Variants in SIPA1L1 observed in about 807,000 individuals in gnomAD.
SIPA1L1 encodes signal induced proliferation associated 1 like 1, also known as signal-induced proliferation-associated 1-like protein 1.
SIPA1L1 carries 26 observed loss-of-function variants against 162.7 expected under a neutral mutation model. The ratio of observed to expected loss-of-function variants is 0.16; its 90% CI spans 0.12 to 0.22. The LOEUF is 0.22. Among genes scored for constraint, SIPA1L1 ranks in the 10% least tolerant of loss-of-function variants. SIPA1L1 has a pLI of 1.00. For missense variants in SIPA1L1, 1,874 were observed against 2,241.0 expected, an observed-to-expected ratio of 0.84 and a Z score of 3.31; for synonymous variants, 829 against 837.4, an observed-to-expected ratio of 0.99 and a Z score of 0.17.
At chr14:71,331,580 A>G (rs989005665) in intron 2 of SIPA1L1, among the ~76,000 whole-genome samples, 2 of 152,322 alleles carry the variant, frequency 1.3e-5, no homozygotes, top group Admixed American at 6.5e-5. Context: ...AAAGGCAATG[A>G]ATCTTGAATT....
chr14:71,614,705 T>C (rs1382350559), intron 5 of SIPA1L1, among the ~76,000 whole-genome samples: 4 of 152,226 alleles, frequency 2.6e-5, no homozygotes, highest in Non-Finnish European at 4.4e-5. Flanking sequence ...ATTTAGTTTA[T>C]AATTATCCCA....
chr14:71,384,294 T>C (rs1420872420), intron 2 of SIPA1L1, among the ~76,000 whole-genome samples: 1 of 152,230 alleles, frequency 6.6e-6, no homozygotes, highest in Non-Finnish European at 1.5e-5. Context: ...ATAAGGTGAT[T>C]TATGTTCAAT....
chr14:71,476,692 T>TA (rs56670769), intron 2 of SIPA1L1, among the ~76,000 whole-genome samples: 2 of 148,948 alleles, frequency 1.3e-5, no homozygotes, highest in Non-Finnish European at 3.0e-5. Flanking sequence ...TTTATTTATT[T>TA]TTTGAGATGG....
chr14:71,698,441 A>T (rs368633187), intron 13 of SIPA1L1, among the ~76,000 whole-genome samples: 1 of 152,186 alleles, frequency 6.6e-6, no homozygotes, highest in African/African-American at 2.4e-5. Flanking sequence ...ACATTTTTTC[A>T]TGGAGGTTTT....
At position 71,588,283 on chromosome 14, in the gene SIPA1L1, C is replaced by G; in HGVS notation, c.411C>G (p.Asn137Lys). The G allele has an allele frequency of 6.2e-7, 1 of 1,614,056 alleles. No homozygotes were observed. The highest frequency in any genetic ancestry group is 8.5e-7 in the Non-Finnish European group (1 of 1,180,006). The stretch of plus-strand genomic sequence containing the variant: ...CAGCCATGCTGAAAAGCATACAGAA[C>G]ACGCTGAAAAACAAGACAAGACCGT... ...NDSAMLKSIQ[N>K]TLKNKTRPSE... is the part of the protein sequence containing the mutation. Residue 137 changes from asparagine (N) to lysine (K), a missense_variant, in exon 5 of 24, where the codon AAC (asparagine) becomes AAG (lysine). Around this residue, in one of 5 missense-constraint regions of SIPA1L1, gnomAD observed 685 missense variants for 828.0 expected, o/e 0.83. Transcript: ENST00000381232. The surrounding 1 kb of genome is among the most constrained non-coding windows in gnomAD (Gnocchi z 4.3).
chr14:71,628,359 C>T (rs1449784835), intron 7 of SIPA1L1, among the ~76,000 whole-genome samples: 4 of 152,192 alleles, frequency 2.6e-5, no homozygotes, highest in Admixed American at 2.6e-4. Context: ...GCACTTAGTA[C>T]AGTGCTGAGC....
chr14:71,689,065 T>C (rs550143455), intron 13 of SIPA1L1, among the ~76,000 whole-genome samples: 2 of 152,246 alleles, frequency 1.3e-5, no homozygotes, highest in South Asian at 2.1e-4. Flanking sequence ...AGTTTTTCTT[T>C]AATTTGTATG....
intron 2 of SIPA1L1, among the ~76,000 whole-genome samples, chr14:71,324,791 C>T (rs2033591135): frequency 6.6e-6 from 1 of 152,112 alleles, no homozygotes; most frequent in African/African-American, 2.4e-5. Flanking sequence ...GTGTACCATC[C>T]TTGTTTCTGG....
chr14:71,593,320 T>C (rs1463336920), intron 5 of SIPA1L1, among the ~76,000 whole-genome samples: 1 of 152,158 alleles, frequency 6.6e-6, no homozygotes, highest in Non-Finnish European at 1.5e-5. Flanking sequence ...CAAGCGATTC[T>C]CGTGCCTCAG....
intron 5 of SIPA1L1, among the ~76,000 whole-genome samples, chr14:71,616,527 T>C (rs1456623052): frequency 9.8e-6 from 1 of 101,974 alleles, no homozygotes; most frequent in Non-Finnish European, 1.8e-5. Context: ...AAGTTGAAGA[T>C]AAAAAAAGAG....
At chr14:71,724,471 A>C (rs928453066) in intron 18 of SIPA1L1, among the ~76,000 whole-genome samples, 199 bp from the exon 19 acceptor site, 6 of 152,196 alleles carry the variant, frequency 3.9e-5, no homozygotes, top group Non-Finnish European at 8.8e-5. Flanking sequence ...ATCAGATTTT[A>C]TTTTGTGTTT....
At chr14:71,476,987 G>A (rs999864552) in intron 2 of SIPA1L1, among the ~76,000 whole-genome samples, 4 of 152,232 alleles carry the variant, frequency 2.6e-5, no homozygotes, top group African/African-American at 9.6e-5. Flanking sequence ...AGGCATAGTG[G>A]CTCACGCCTA....
chr14:71,523,232 TG>T (rs1450337505), intron 3 of SIPA1L1, among the ~76,000 whole-genome samples: 7 of 152,250 alleles, frequency 4.6e-5, no homozygotes, highest in Non-Finnish European at 7.4e-5. Context: ...TATGCATATA[TG>T]TTTTTTTTTA....
intron 4 of SIPA1L1, among the ~76,000 whole-genome samples, chr14:71,529,993 G>C (rs919845547): frequency 6.6e-6 from 1 of 152,196 alleles, no homozygotes; most frequent in Non-Finnish European, 1.5e-5. Context: ...CACACAGGGT[G>C]GAGGACGGAG....
intron 7 of SIPA1L1, among the ~76,000 whole-genome samples, chr14:71,633,676 T>G (rs1223584335): frequency 6.6e-6 from 1 of 152,110 alleles, no homozygotes; most frequent in East Asian, 1.9e-4. Context: ...GTAAGGTACT[T>G]CAATGGGCTA....
In SIPA1L1 at chr14:71,702,436, G is replaced by C; in HGVS notation, c.3577G>C (p.Asp1193His). 6.2e-7 allele frequency: 1 copy of C among 1,614,212 alleles called. No individual in the cohort carries two copies. The highest frequency in any genetic ancestry group is 8.5e-7 in the Non-Finnish European group (1 of 1,180,008). ...ASIDRQNTQS[D>H]IGGSGKSTPS... ...CATTGACAGGCAGAACACCCAGTCAGATATTGGTGGCAGCGGAAAATCCAC... is the reference window on the plus strand; with the variant it reads ...CATTGACAGGCAGAACACCCAGTCACATATTGGTGGCAGCGGAAAATCCAC... The change falls in exon 15 of 24, where the codon GAT (aspartate) becomes CAT (histidine). Residue 1193 changes from aspartate (D) to histidine (H), a missense_variant. By Grantham distance (81) the Asp-to-His change is moderately conservative (BLOSUM62 -1). Around this residue, in one of 5 missense-constraint regions of SIPA1L1, gnomAD observed 936 missense variants for 1,051.9 expected, o/e 0.89. Coordinates refer to ENST00000381232, the MANE Select transcript of SIPA1L1 (RefSeq NM_001386936.1).
At chr14:71,585,447 T>G (rs1268395839) in intron 4 of SIPA1L1, among the ~76,000 whole-genome samples, 4 of 152,202 alleles carry the variant, frequency 2.6e-5, no homozygotes, top group African/African-American at 9.6e-5. Context: ...TTAAAAATAT[T>G]GGAAGTATAT....
At chr14:71,642,639 C>T (rs1222493100) in intron 7 of SIPA1L1, among the ~76,000 whole-genome samples, 4 of 152,076 alleles carry the variant, frequency 2.6e-5, no homozygotes, top group African/African-American at 9.7e-5. Context: ...ATATCCAGCA[C>T]CCAACAAGGT....
intron 19 of SIPA1L1, among the ~76,000 whole-genome samples, chr14:71,727,021 G>A (rs1448658728): frequency 2.0e-5 from 3 of 152,220 alleles, no homozygotes; most frequent in South Asian, 2.1e-4. Context: ...CTACCTATGA[G>A]TTTTTGTTAA....
Sources: gnomAD v4.1 joint callset for allele counts (sites outside exome capture counted in the v4.1 genomes callset) on GRCh38, gnomAD v4.1.1 for gene constraint, gnomAD v4.1.1 regional missense constraint, Gnocchi (gnomAD v3.1) non-coding constraint, MANE v1.5 for transcripts, NCBI Gene and HGNC (gene_info 2026-07-23, HGNC 2026-07-21) for gene names.